Variants in LPIN2 observed in about 807,000 individuals in gnomAD.
LPIN2 encodes lipin 2, also known as phosphatidate phosphatase LPIN2.
A neutral mutation model predicts 111.4 loss-of-function variants in LPIN2; 55 were observed. That is an observed-to-expected ratio of 0.49 (90% CI 0.40 to 0.62). The LOEUF is 0.62. Ranked by LOEUF, LPIN2 falls within the 20% of genes least tolerant of loss-of-function variation. The pLI, the probability that LPIN2 is intolerant of heterozygous loss-of-function variation, is 0.00. For synonymous variants in LPIN2, 425 were observed against 414.0 expected (o/e 1.03, Z -0.32); for missense variants, 992 against 1,112.1 (o/e 0.89, Z 1.54).
chr18:3,009,813 G>A (rs2078572636), intron 1 of LPIN2, among the ~76,000 whole-genome samples: 1 of 152,080 alleles, frequency 6.6e-6, no homozygotes, highest in African/African-American at 2.4e-5. Context: ...ACATTCAAAG[G>A]CTTTAGCAGA....
In LPIN2 at chr18:2,997,329, G is replaced by C. The variant is rs186205797; in HGVS notation, c.-10+15758C>G. Among the ~76,000 whole-genome samples the C allele has an allele frequency of 6.5e-4, 99 of 152,026 alleles. 2 individuals carry two copies. The East Asian group carries it at 0.017, about 26-fold the overall frequency. ...TTTAGTAGAGATGGGGTTTTACTCT[G>C]TTGGCCAGGCTGGTCTTGAACTCCT... On this transcript the variant is annotated intron_variant, in intron 1 of 19. Transcript: ENST00000677752.
At chr18:2,998,165 G>A (rs1002899344) in intron 1 of LPIN2, among the ~76,000 whole-genome samples, 1 of 152,216 alleles carries the variant, frequency 6.6e-6, no homozygotes, top group Non-Finnish European at 1.5e-5. Flanking sequence ...GGCTCTGGGA[G>A]GACACTTGGG....
intron 4 of LPIN2, among the ~76,000 whole-genome samples, chr18:2,944,572 G>C (rs575201933): frequency 2.0e-5 from 3 of 151,788 alleles, no homozygotes; most frequent in African/African-American, 4.8e-5. Context: ...GGATGGTCTC[G>C]ATCTCCTGAC....
intron 1 of LPIN2, among the ~76,000 whole-genome samples, chr18:2,992,547 C>T (rs1374035214): frequency 1.3e-5 from 2 of 152,088 alleles, no homozygotes; most frequent in Non-Finnish European, 2.9e-5. Flanking sequence ...AATCTTACTA[C>T]AATTAGAAAA....
At chr18:2,954,680 A>G in intron 2 of LPIN2, 81 bp from the exon 3 acceptor site, 1 of 970,248 alleles carries the variant, frequency 1.0e-6, no homozygotes, top group Admixed American at 1.7e-5. Flanking sequence ...TGAGTTCTCA[A>G]GTCAAACTTA....
intron 1 of LPIN2, among the ~76,000 whole-genome samples, chr18:3,008,960 T>A (rs942206869): frequency 4.1e-5 from 6 of 146,110 alleles, no homozygotes; most frequent in African/African-American, 1.5e-4. Flanking sequence ...TCAGGCCTCA[T>A]ACCCACTTTA....
chr18:2,925,517 C>T lies in LPIN2; in HGVS notation c.1794-149G>A. 2 of 1,037,806 alleles carry T rather than the reference C, an allele frequency of 1.9e-6. No individual in the cohort carries two copies. Among genetic ancestry groups the T allele is most frequent in the Non-Finnish European group, 2.9e-6 (2 of 693,572 alleles). The allele number at this position is 1,037,806 out of a possible 1,614,324, so 64.3% of individuals were successfully genotyped here. Reference sequence around the variant, plus strand: ...TTCTGCCATTCTCCCATATCCACAGCTCTGTACGCCTGAAATATTCATATT... The same window carrying T: ...TTCTGCCATTCTCCCATATCCACAGTTCTGTACGCCTGAAATATTCATATT... On this transcript the variant is annotated intron_variant, in intron 13 of 19. Coordinates refer to ENST00000677752, the MANE Select transcript of LPIN2 (RefSeq NM_001375808.2). The surrounding 1 kb of genome is among the most constrained non-coding windows in gnomAD (Gnocchi z 4.1).
chr18:2,979,776 T>C (rs1358369690), intron 1 of LPIN2, among the ~76,000 whole-genome samples: 1 of 152,210 alleles, frequency 6.6e-6, no homozygotes, highest in Non-Finnish European at 1.5e-5. Flanking sequence ...GTGGCGAGCA[T>C]GCTTTGAAAA....
At chr18:2,950,986 C>T in intron 4 of LPIN2, 69 bp downstream of exon 4, 1 of 1,559,964 alleles carries the variant, frequency 6.4e-7, no homozygotes, top group South Asian at 1.1e-5. Flanking sequence ...CATAAAAAAA[C>T]TGGCAGCTCC....
At chr18:2,954,283 C>T (rs376045085) in intron 3 of LPIN2, among the ~76,000 whole-genome samples, 1 of 152,236 alleles carries the variant, frequency 6.6e-6, no homozygotes, top group South Asian at 2.1e-4. Flanking sequence ...TATGTGCATT[C>T]AGCATGCTCC....
At chr18:2,978,068 T>A (rs1391816510) in intron 1 of LPIN2, among the ~76,000 whole-genome samples, 1 of 151,948 alleles carries the variant, frequency 6.6e-6, no homozygotes, top group African/African-American at 2.4e-5. Context: ...GCACCTGTAG[T>A]CCCAGCTACT....
intron 1 of LPIN2, among the ~76,000 whole-genome samples, chr18:2,987,353 C>T (rs2078201854): frequency 6.6e-6 from 1 of 152,150 alleles, no homozygotes; most frequent in Non-Finnish European, 1.5e-5. Context: ...AGTGAGATAG[C>T]TTAAAGCTTG....
At position 2,958,166 on chromosome 18, in the gene LPIN2, A is replaced by AAAAAAAAAAAC. The variant is rs1568571302; in HGVS notation, c.192+2482_192+2483insGTTTTTTTTTT. The stretch of plus-strand genomic sequence containing the variant: ...CAAAAAAAAAAAAAAAACAACAAAA[A>AAAAAAAAAAAC]AAAAAAACAGAAAAAAGAAAAAAAA... On this transcript the variant is annotated intron_variant, in intron 2 of 19. Coordinates refer to ENST00000677752, the MANE Select transcript of LPIN2 (RefSeq NM_001375808.2). 2.7e-5 allele frequency among the ~76,000 whole-genome samples: 4 copies of AAAAAAAAAAAC among 146,090 alleles called. No homozygotes were observed. The East Asian group carries it at 8.4e-4, about 31-fold the overall frequency.
At chr18:2,973,034 A>T (rs2077947540) in intron 1 of LPIN2, among the ~76,000 whole-genome samples, 1 of 152,232 alleles carries the variant, frequency 6.6e-6, no homozygotes, top group Non-Finnish European at 1.5e-5. Flanking sequence ...TTTATAATTA[A>T]TAATGAAAGA....
rs775491016 is a variant in LPIN2 at position 2,929,179 on chromosome 18, C to T, written c.1457-21G>A. ...TTTTTCTGCAATGTAAAATAATAAT[C>T]AATTTGGTTAGAGATTACATAAATC... On this transcript the variant is annotated intron_variant, in intron 9 of 19. Coordinates refer to ENST00000677752, the MANE Select transcript of LPIN2 (RefSeq NM_001375808.2). 14 of 1,434,424 alleles carry T rather than the reference C, an allele frequency of 9.8e-6. No individual in the cohort carries two copies. In the East Asian group the frequency reaches 2.5e-4, roughly 26 times the overall value. 88.9% of individuals were successfully genotyped at this position (1,434,424 alleles called of 1,614,324 possible). A position where few individuals can be genotyped will look rare whatever the true frequency, so the allele number is the denominator to read the frequency against.
At chr18:2,924,191 G>A (rs2077097552) in intron 15 of LPIN2, among the ~76,000 whole-genome samples, 1 of 152,088 alleles carries the variant, frequency 6.6e-6, no homozygotes, top group Admixed American at 6.5e-5. Flanking sequence ...AGTGATTTTT[G>A]ACATTTGTTA....
chr18:2,919,480 T>C lies in LPIN2; in HGVS notation c.*813A>G, dbSNP rs547125074. On this transcript the variant is annotated 3_prime_UTR_variant, in exon 20 of 20. Coordinates refer to ENST00000677752, the MANE Select transcript of LPIN2 (RefSeq NM_001375808.2). ...GACCCCACTCAACCGCCTATCTGCATTTCGGAGGCCTCCCTAAAAGCAGAG... is the reference window on the plus strand; with the variant it reads ...GACCCCACTCAACCGCCTATCTGCACTTCGGAGGCCTCCCTAAAAGCAGAG... The C allele has an allele frequency of 1.3e-5, 2 of 152,336 alleles. No homozygotes were observed. The highest frequency in any genetic ancestry group is 6.5e-5 in the Admixed American group (1 of 15,284). The allele number at this position is 152,336 out of a possible 1,614,324, so 9.4% of individuals were successfully genotyped here. A position where few individuals can be genotyped will look rare whatever the true frequency, so the allele number is the denominator to read the frequency against.
intron 4 of LPIN2, chr18:2,946,035 T>C (rs2077446530): frequency 1.4e-6 from 2 of 1,402,220 alleles, no homozygotes; most frequent in African/African-American, 2.8e-5. Context: ...CTAGACTCTC[T>C]AGACCCCGAT....
intron 1 of LPIN2, among the ~76,000 whole-genome samples, chr18:2,986,465 A>AT (rs11443840): frequency 0.91 from 138,260 of 151,206 alleles, 64,033 homozygotes; most frequent in East Asian, 1. Flanking sequence ...TCTCCCAAAG[A>AT]TAAACTTCTT....
Sources: gnomAD v4.1 joint callset for allele counts (sites outside exome capture counted in the v4.1 genomes callset) on GRCh38, gnomAD v4.1.1 for gene constraint, Gnocchi (gnomAD v3.1) non-coding constraint, MANE v1.5 for transcripts, NCBI Gene and HGNC (gene_info 2026-07-23, HGNC 2026-07-21) for gene names.